Variants in EFNA2 observed in about 807,000 individuals in gnomAD.
The protein encoded by EFNA2 is ephrin A2.
EFNA2 carries 18 observed loss-of-function variants against 19.7 expected under a neutral mutation model. The ratio of observed to expected loss-of-function variants is 0.91; its 90% CI spans 0.63 to 1.35. The LOEUF (loss-of-function observed/expected upper bound fraction) is 1.35, where lower values mean the gene tolerates loss of function less well. Ranked by LOEUF, EFNA2 falls within the 40% of genes most tolerant of loss-of-function variation. The pLI is 0.00. For missense variants in EFNA2, 303 were observed against 296.0 expected, an observed-to-expected ratio of 1.02 and a Z score of -0.17; for synonymous variants, 187 against 137.8, an observed-to-expected ratio of 1.36 and a Z score of -2.50.
In EFNA2 at chr19:1,300,019, G is replaced by C; in HGVS notation, c.*74G>C. The stretch of plus-strand genomic sequence containing the variant: ...CGCCTGACCTCGGCCCTCCGGACCC[G>C]GCTGCGGCCCCCGCCTCCGAGACCA... On this transcript the variant is annotated 3_prime_UTR_variant, in exon 4 of 4. Coordinates refer to ENST00000215368, the MANE Select transcript of EFNA2 (RefSeq NM_001405.4). 3 of 1,491,464 alleles carry C rather than the reference G, an allele frequency of 2.0e-6. No individual in the cohort carries two copies. The highest frequency in any genetic ancestry group is 1.8e-6 in the Non-Finnish European group (2 of 1,126,330). 92.4% of individuals were successfully genotyped at this position (1,491,464 alleles called of 1,614,324 possible). A position where few individuals can be genotyped will look rare whatever the true frequency, so the allele number is the denominator to read the frequency against.
rs2081535514 is a variant in EFNA2, at chr19:1,300,240, GAT to G, written c.*296_*297del. ...TCGGAGAACCCGGGAACCTCTTGGC[GAT>G]TTTTTTTTTTTTTTTTTTTTTTTTT... On this transcript the variant is annotated 3_prime_UTR_variant, in exon 4 of 4. Transcript: ENST00000215368. The G allele has an allele frequency of 1.1e-5, 1 of 88,054 alleles. No homozygotes were observed. The highest frequency in any genetic ancestry group is 2.2e-5 in the Non-Finnish European group (1 of 45,066). 5.5% of individuals were successfully genotyped at this position (88,054 alleles called of 1,614,324 possible). A position where few individuals can be genotyped will look rare whatever the true frequency, so the allele number is the denominator to read the frequency against.
rs1222204258 is a variant in EFNA2 at position 1,294,263 on chromosome 19, C to A, written c.141-1282C>A. Among the ~76,000 whole-genome samples, 3 of 152,222 alleles carry A rather than the reference C, an allele frequency of 2.0e-5. No homozygotes were observed. The highest frequency in any genetic ancestry group is 2.0e-4 in the Admixed American group (3 of 15,284). Reference sequence around the variant, plus strand: ...CAGGCCGCCGGTTACATGACAGGGGCCCTGGGGACCACAGCCGGGAGATCT... The same window carrying A: ...CAGGCCGCCGGTTACATGACAGGGGACCTGGGGACCACAGCCGGGAGATCT... On this transcript the variant is annotated intron_variant, in intron 1 of 3. Transcript: ENST00000215368. The surrounding 1 kb of genome is among the most constrained non-coding windows in gnomAD (Gnocchi z 5.8).
In EFNA2 at chr19:1,297,215, G is replaced by A. The variant is rs1366940058; in HGVS notation, c.455-1336G>A. Among the ~76,000 whole-genome samples the A allele has an allele frequency of 1.3e-5, 2 of 152,180 alleles. No individual in the cohort carries two copies. The highest frequency in any genetic ancestry group is 4.8e-5 in the African/African-American group (2 of 41,438). ...GTGCCCCCAGGCTGCAGGGGGGCCA[G>A]TGCCTGGACACCCAGCTCCTGCTGT... On this transcript the variant is annotated intron_variant, in intron 2 of 3. Transcript: ENST00000215368. This position sits in a 1 kb window ranked among gnomAD's most constrained non-coding sequence, Gnocchi z 5.0.
chr19:1,295,487 C>T lies in EFNA2; in HGVS notation c.141-58C>T. 4.1e-6 allele frequency: 6 copies of T among 1,456,198 alleles called. No homozygotes were observed. The highest frequency in any genetic ancestry group is 5.4e-6 in the Non-Finnish European group (6 of 1,105,832). 90.2% of individuals were successfully genotyped at this position (1,456,198 alleles called of 1,614,324 possible). Reference sequence around the variant, plus strand: ...TGACCCTGGCCCTCCCCGCGCACCCCGACCCGTGCCCCGTTCCTCGCTCCG... The same window carrying T: ...TGACCCTGGCCCTCCCCGCGCACCCTGACCCGTGCCCCGTTCCTCGCTCCG... On this transcript the variant is annotated intron_variant, in intron 1 of 3. Transcript: ENST00000215368. The surrounding 1 kb of genome is among the most constrained non-coding windows in gnomAD (Gnocchi z 5.8).
intron 1 of EFNA2, among the ~76,000 whole-genome samples, chr19:1,293,372 C>T (rs781563314): frequency 7.9e-5 from 12 of 152,214 alleles, no homozygotes; most frequent in Non-Finnish European, 1.2e-4. Flanking sequence ...AATGGGGCAG[C>T]CTGAGGGGTG....
rs1184195712 is a variant in EFNA2, at chr19:1,301,028, G to C, written c.*1083G>C. 6.6e-6 allele frequency among the ~76,000 whole-genome samples: 1 copy of C among 150,876 alleles called. No individual in the cohort carries two copies. The highest frequency in any genetic ancestry group is 1.9e-4 in the East Asian group (1 of 5,150). On this transcript the variant is annotated 3_prime_UTR_variant, in exon 4 of 4. Transcript: ENST00000215368. Reference sequence around the variant, plus strand: ...CTGCACTTGGCAATAAGCTCGTGTCGTCTGTCAGAGCCCCTCTCTCAACTC... The same window carrying C: ...CTGCACTTGGCAATAAGCTCGTGTCCTCTGTCAGAGCCCCTCTCTCAACTC...
chr19:1,284,352 G>C (rs747842794), upstream of EFNA2, among the ~76,000 whole-genome samples: 3 of 152,212 alleles, frequency 2.0e-5, no homozygotes, highest in African/African-American at 7.2e-5. The surrounding 1 kb of genome is among the most constrained non-coding windows in gnomAD (Gnocchi z 5.3). Context: ...CTGGGCCTTC[G>C]ACCTGGGACG....
rs1259620509 is a variant in EFNA2, at chr19:1,295,863, G to A, written c.454+5G>A. 4 of 1,579,412 alleles carry A rather than the reference G, an allele frequency of 2.5e-6. No individual in the cohort carries two copies. The highest frequency in any genetic ancestry group is 2.4e-5 in the East Asian group (1 of 42,312). On this transcript the variant is annotated splice_donor_5th_base_variant and intron_variant, in intron 2 of 3. Coordinates refer to ENST00000215368, the MANE Select transcript of EFNA2 (RefSeq NM_001405.4). This position sits in a 1 kb window ranked among gnomAD's most constrained non-coding sequence, Gnocchi z 5.8. ...GCCACGAGTATTACTACATCTGTGA[G>A]TGGGGTCGGGCCGGGGCTGCCGGGG...
In EFNA2 at chr19:1,295,669, T is replaced by G. The variant is rs2081510751; in HGVS notation, c.265T>G (p.Tyr89Asp). The change falls in exon 2 of 4, where the codon TAC becomes GAC. Residue 89 changes from tyrosine (Y) to aspartate (D), a missense_variant. Tyr to Asp is a radical substitution (Grantham distance 160, BLOSUM62 -3). Transcript: ENST00000215368. The surrounding 1 kb of genome is among the most constrained non-coding windows in gnomAD (Gnocchi z 5.8). ...GCCGCCGGCCGAGCGCATGGAGCAC[T>G]ACGTGCTGTACATGGTCAACGGCGA... ...PLPPAERMEHYVLYMVNGEGH... is the reference protein window; with the variant it reads ...PLPPAERMEHDVLYMVNGEGH... 6.2e-7 allele frequency: 1 copy of G among 1,611,352 alleles called. No individual in the cohort carries two copies. Among genetic ancestry groups the G allele is most frequent in the Non-Finnish European group, 8.5e-7 (1 of 1,179,244 alleles).
At chr19:1,290,993 G>A (rs990606988) in intron 1 of EFNA2, among the ~76,000 whole-genome samples, 9 of 152,206 alleles carry the variant, frequency 5.9e-5, no homozygotes, top group Non-Finnish European at 1.3e-4. Flanking sequence ...AGCTCTGTGC[G>A]CCCCTTGTCC....
At chr19:1,298,368 A>G (rs747961480) in intron 2 of EFNA2, among the ~76,000 whole-genome samples, 183 bp from the exon 3 acceptor site, 2 of 152,112 alleles carry the variant, frequency 1.3e-5, no homozygotes, top group Non-Finnish European at 2.9e-5. Context: ...GGGAATGTGC[A>G]GGAGACTGCT....
chr19:1,285,379 C>G (rs567145415), upstream of EFNA2, among the ~76,000 whole-genome samples: 5 of 152,316 alleles, frequency 3.3e-5, no homozygotes, highest in East Asian at 9.7e-4. The surrounding 1 kb of genome is among the most constrained non-coding windows in gnomAD (Gnocchi z 4.1). Context: ...TAGGGACTTA[C>G]TCCATCCCCA....
chr19:1,299,879 C>T lies in EFNA2; in HGVS notation c.576C>T (p.Ser192=). 6.2e-7 allele frequency: 1 copy of T among 1,604,296 alleles called. No individual in the cohort carries two copies. ...TCTTCACCAGCAATAACTCGTGTAGCAGCCCGGGCGGCTGCCGCCTCTTCC... is the reference window on the plus strand; with the variant it reads ...TCTTCACCAGCAATAACTCGTGTAGTAGCCCGGGCGGCTGCCGCCTCTTCC... ...EPIFTSNNSC[S]SPGGCRLFLS... is the part of the protein sequence containing the mutation. The change falls in exon 4 of 4, where the codon AGC becomes AGT. Residue 192 remains serine, a synonymous_variant. Coordinates refer to ENST00000215368, the MANE Select transcript of EFNA2 (RefSeq NM_001405.4).
intron 3 of EFNA2, among the ~76,000 whole-genome samples, chr19:1,299,180 G>T (rs561749199): frequency 1.3e-5 from 2 of 152,306 alleles, no homozygotes; most frequent in African/African-American, 4.8e-5. Flanking sequence ...GGAGGTTGCA[G>T]TGAGCCCAGA....
Position 1,295,815 on chromosome 19 carries a change from C to T in EFNA2, c.411C>T (p.Ser137=). 6.2e-7 allele frequency: 1 copy of T among 1,607,212 alleles called. No individual in the cohort carries two copies. Among genetic ancestry groups the T allele is most frequent in the Non-Finnish European group, 8.5e-7 (1 of 1,178,150 alleles). ...AGTTCCAGCTCTTCACGCCCTTCTC[C>T]CTGGGCTTCGAGTTCCGGCCCGGCC... ...SEKFQLFTPF[S]LGFEFRPGHE... Residue 137 remains serine, a synonymous_variant, in exon 2 of 4, where the codon TCC becomes TCT. Coordinates refer to ENST00000215368, the MANE Select transcript of EFNA2 (RefSeq NM_001405.4). This position sits in a 1 kb window ranked among gnomAD's most constrained non-coding sequence, Gnocchi z 5.8.
Position 1,295,766 on chromosome 19 carries a change from G to A in EFNA2, c.362G>A (p.Gly121Glu). ...GAGTGCAACCGGCCCGCGGCGCCCG[G>A]GGGGCCGCTCAAGTTCTCGGAGAAG... ...RWECNRPAAP[G>E]GPLKFSEKFQ... Residue 121 changes from glycine (G) to glutamate (E), a missense_variant, in exon 2 of 4, where the codon GGG becomes GAG. Coordinates refer to ENST00000215368, the MANE Select transcript of EFNA2 (RefSeq NM_001405.4). The surrounding 1 kb of genome is among the most constrained non-coding windows in gnomAD (Gnocchi z 5.8). The A allele has an allele frequency of 1.2e-6, 2 of 1,605,454 alleles. No homozygotes were observed. The highest frequency in any genetic ancestry group is 8.5e-7 in the Non-Finnish European group (1 of 1,177,200).
At chr19:1,285,497 C>T (rs977840365), upstream of EFNA2, among the ~76,000 whole-genome samples, 1 of 152,174 alleles carries the variant, frequency 6.6e-6, no homozygotes, top group Non-Finnish European at 1.5e-5. The surrounding 1 kb of genome is among the most constrained non-coding windows in gnomAD (Gnocchi z 4.1). Flanking sequence ...CTGCCCCGGC[C>T]CCCGCAGGGA....
In EFNA2 at chr19:1,298,020, C is replaced by T. The variant is rs192582291; in HGVS notation, c.455-531C>T. On this transcript the variant is annotated intron_variant, in intron 2 of 3. Coordinates refer to ENST00000215368, the MANE Select transcript of EFNA2 (RefSeq NM_001405.4). ...CCGGGAGGCTGAGATTGCAGTGAGC[C>T]GAGATCGTACCATTGCACTCCAGCC... Among the ~76,000 whole-genome samples the T allele has an allele frequency of 2.0e-3, 280 of 141,386 alleles. 2 individuals carry two copies. The highest frequency in any genetic ancestry group is 3.2e-3 in the Non-Finnish European group (214 of 66,750). 92.8% of individuals were successfully genotyped at this position (141,386 alleles called of 152,430 possible).
At chr19:1,289,793 A>C (rs1206480526) in intron 1 of EFNA2, among the ~76,000 whole-genome samples, 3 of 151,986 alleles carry the variant, frequency 2.0e-5, no homozygotes, top group African/African-American at 7.3e-5. Flanking sequence ...CCCCCAGCAG[A>C]GGGCAGAGGT....
Sources: allele counts gnomAD v4.1 joint callset (sites outside exome capture counted in the v4.1 genomes callset), GRCh38; gene constraint gnomAD v4.1.1; non-coding constraint Gnocchi (gnomAD v3.1); transcripts MANE v1.5; gene names NCBI Gene and HGNC (gene_info 2026-07-23, HGNC 2026-07-21).